Variants in FBN1 observed in about 807,000 individuals in gnomAD.
FBN1 encodes the protein fibrillin-1.
A neutral mutation model predicts 365.1 loss-of-function variants in FBN1; 29 were observed. The observed-to-expected ratio is 0.08, with a 90% CI of 0.06 to 0.11. FBN1 has a LOEUF of 0.11. Ranked by LOEUF, FBN1 falls within the 10% of genes least tolerant of loss-of-function variation. The probability of loss-of-function intolerance (pLI) is 1.00; values close to 1 mark genes in which losing one functional copy is unlikely to be tolerated. For missense variants in FBN1, 2,476 were observed against 3,703.2 expected, an observed-to-expected ratio of 0.67 and a Z score of 8.60; for synonymous variants, 1,210 against 1,270.5, an observed-to-expected ratio of 0.95 and a Z score of 1.01.
chr15:48,539,285 T>C (rs2044038407), intron 6 of FBN1, among the ~76,000 whole-genome samples: 1 of 152,198 alleles, frequency 6.6e-6, no homozygotes, highest in Non-Finnish European at 1.5e-5. Flanking sequence ...ATGCCCATGC[T>C]GTAAGATCAA....
intron 17 of FBN1, among the ~76,000 whole-genome samples, chr15:48,502,244 C>A (rs942139262): frequency 6.6e-6 from 1 of 152,138 alleles, no homozygotes; most frequent in Non-Finnish European, 1.5e-5. Context: ...TGAGATTTCA[C>A]CATGTCAGCC....
chr15:48,590,142 C>T (rs999829145), intron 6 of FBN1, among the ~76,000 whole-genome samples: 4 of 152,066 alleles, frequency 2.6e-5, no homozygotes, highest in African/African-American at 7.2e-5. Flanking sequence ...ATGTAAAATT[C>T]GTGTCAGAAA....
chr15:48,574,106 T>C (rs1439821235), intron 6 of FBN1, among the ~76,000 whole-genome samples: 1 of 152,208 alleles, frequency 6.6e-6, no homozygotes, highest in Non-Finnish European at 1.5e-5. Context: ...TCAGAGCACA[T>C]TCCTGAGTCC....
chr15:48,548,999 A>C (rs1408959865), intron 6 of FBN1, among the ~76,000 whole-genome samples: 1 of 152,250 alleles, frequency 6.6e-6, no homozygotes, highest in African/African-American at 2.4e-5. Flanking sequence ...CTGGGATTTC[A>C]CTACTAATAT....
intron 22 of FBN1, among the ~76,000 whole-genome samples, chr15:48,494,472 GA>G (rs1326776383): frequency 6.6e-6 from 1 of 152,150 alleles, no homozygotes; most frequent in African/African-American, 2.4e-5. Context: ...ATTCCACTAA[GA>G]TACTCCAAAA....
chr15:48,467,818 C>T, intron 38 of FBN1, 120 bp downstream of exon 38: 1 of 951,340 alleles, frequency 1.1e-6, no homozygotes, highest in Non-Finnish European at 1.7e-6. Context: ...GTCCCCTCTA[C>T]AGGGCTGAGA....
Position 48,456,647 on chromosome 15 carries a change from C to T in FBN1, c.5412G>A (p.Leu1804=), listed in dbSNP as rs1384212101. Residue 1804 remains leucine, a synonymous_variant, in exon 44 of 66, where the codon TTG becomes TTA. Transcript: ENST00000316623. ...PVGFFYNDKL[L]VCEDIDECQN... ...CATGATGCCACTTACCTTCACAAAC[C>T]AACAACTTGTCATTATAGAAGAATC... 5 of 1,613,842 alleles carry T rather than the reference C, an allele frequency of 3.1e-6. No homozygotes were observed. Among genetic ancestry groups the T allele is most frequent in the South Asian group, 1.1e-5 (1 of 91,074 alleles).
chr15:48,550,131 C>T (rs1029646646), intron 6 of FBN1, among the ~76,000 whole-genome samples: 2 of 152,198 alleles, frequency 1.3e-5, no homozygotes, highest in Non-Finnish European at 2.9e-5. Flanking sequence ...CTGTTCGTCT[C>T]GAGTTAGACA....
chr15:48,498,887 G>T lies in FBN1; in HGVS notation c.2167+98C>A. On this transcript the variant is annotated intron_variant, in intron 18 of 65. Transcript: ENST00000316623. ...CAGTGATGGCCAGAGAGGGAGTCAG[G>T]CCAGACTAGTGTAAAGGGATCAACT... 4 of 1,172,284 alleles carry T rather than the reference G, an allele frequency of 3.4e-6. No individual in the cohort carries two copies. The East Asian group carries it at 7.0e-5, about 21-fold the overall frequency. 72.6% of individuals were successfully genotyped at this position (1,172,284 alleles called of 1,614,324 possible).
intron 6 of FBN1, among the ~76,000 whole-genome samples, chr15:48,539,992 C>G (rs1354931732): frequency 6.6e-6 from 1 of 152,134 alleles, no homozygotes; most frequent in Non-Finnish European, 1.5e-5. Flanking sequence ...TAAATCTCAG[C>G]CCTCATTTCG....
chr15:48,542,388 A>G (rs2044064211), intron 6 of FBN1, among the ~76,000 whole-genome samples: 1 of 152,142 alleles, frequency 6.6e-6, no homozygotes, highest in Non-Finnish European at 1.5e-5. Context: ...TGAGATATCA[A>G]TTTATCCATG....
At chr15:48,597,762 CT>C (rs1174727826) in intron 5 of FBN1, among the ~76,000 whole-genome samples, 9 of 152,190 alleles carry the variant, frequency 5.9e-5, no homozygotes, top group African/African-American at 2.2e-4. Context: ...TCTTCTTTGC[CT>C]CTTGATTTAT....
chr15:48,559,191 TTCTC>T (rs1027024290), intron 6 of FBN1, among the ~76,000 whole-genome samples: 9 of 152,164 alleles, frequency 5.9e-5, no homozygotes, highest in East Asian at 3.9e-4. Flanking sequence ...CTGCAAACCA[TTCTC>T]TCTATCTTAG....
At chr15:48,432,283 G>C (rs138864119) in intron 55 of FBN1, among the ~76,000 whole-genome samples, 1 of 152,292 alleles carries the variant, frequency 6.6e-6, no homozygotes, top group Non-Finnish European at 1.5e-5. Flanking sequence ...GTTCATTTAA[G>C]ATATTGACAG....
intron 17 of FBN1, among the ~76,000 whole-genome samples, chr15:48,503,423 A>G (rs1159589216): frequency 6.6e-6 from 1 of 152,250 alleles, no homozygotes; most frequent in African/African-American, 2.4e-5. Flanking sequence ...TAGTCAAGTA[A>G]TATGACAGTT....
intron 6 of FBN1, among the ~76,000 whole-genome samples, chr15:48,543,976 A>C (rs2044077580): frequency 6.6e-6 from 1 of 151,958 alleles, no homozygotes. Flanking sequence ...TTCTATATAC[A>C]CATATATACA....
chr15:48,535,371 A>G (rs989967003), intron 7 of FBN1, among the ~76,000 whole-genome samples: 8 of 152,242 alleles, frequency 5.3e-5, no homozygotes, highest in African/African-American at 1.9e-4. Context: ...ACTGTTGTAT[A>G]ACCAGCACCT....
chr15:48,507,687 T>C (rs1340688488), intron 15 of FBN1, among the ~76,000 whole-genome samples: 2 of 152,202 alleles, frequency 1.3e-5, no homozygotes, highest in Non-Finnish European at 2.9e-5. Context: ...CATAGGACTT[T>C]ATTCTGCTTT....
intron 6 of FBN1, among the ~76,000 whole-genome samples, chr15:48,579,560 T>C: frequency 6.6e-6 from 1 of 152,200 alleles, no homozygotes; most frequent in East Asian, 1.9e-4. Flanking sequence ...ACATCTGGAA[T>C]AGCTCAGGTC....
Sources: gnomAD v4.1 joint callset for allele counts (sites outside exome capture counted in the v4.1 genomes callset) on GRCh38, gnomAD v4.1.1 for gene constraint, MANE v1.5 for transcripts, NCBI Gene and HGNC (gene_info 2026-07-23, HGNC 2026-07-21) for gene names.